CDKN2B-AS1: variants seen among roughly 807,000 people sequenced by gnomAD.
CDKN2B-AS1 encodes the protein CDKN2B and CDKN2A antisense cis and trans regulatory RNA 1, also known as CDKN2B antisense RNA 1 (non-protein coding).
rs114825561 is a variant in CDKN2B-AS1 at position 22,089,352 on chromosome 9, G to A, written n.438+32965G>A. On this transcript the variant is annotated intron_variant and non_coding_transcript_variant, in intron 4 of 4. Coordinates refer to ENST00000650946, the Ensembl canonical transcript of CDKN2B-AS1. The stretch of plus-strand genomic sequence containing the variant: ...ATTATTTACATAACAAATGTTAAAA[G>A]AATTAGAAAAATTTCATAGGTAAGA... Among the ~76,000 whole-genome samples the A allele has an allele frequency of 4.0e-3, 613 of 152,204 alleles. 6 individuals carry two copies. Among genetic ancestry groups the A allele is most frequent in the African/African-American group, 0.014 (576 of 41,542 alleles).
At chr9:22,086,976 G>A (rs1824886840) in intron 4 of CDKN2B-AS1, among the ~76,000 whole-genome samples, 1 of 152,182 alleles carries the variant, frequency 6.6e-6, no homozygotes, top group Admixed American at 6.5e-5. Flanking sequence ...CATGTGAATT[G>A]CCTACGCAGG....
At chr9:22,024,415 G>A (rs1822145323) in intron 1 of CDKN2B-AS1, among the ~76,000 whole-genome samples, 1 of 152,214 alleles carries the variant, frequency 6.6e-6, no homozygotes. Flanking sequence ...AGGCATTTTT[G>A]TGGGGAACAG....
In CDKN2B-AS1 at chr9:22,012,474, C is replaced by T. The variant is rs560168119; in HGVS notation, n.29+17313C>T. ...CGCTATGCTCTCCTGCACCCCTATG[C>T]TGTCAATTGCCGCAAGAAGAAGTGT... On this transcript the variant is annotated intron_variant and non_coding_transcript_variant, in intron 1 of 4. Coordinates refer to ENST00000650946, the Ensembl canonical transcript of CDKN2B-AS1. 1.6e-5 allele frequency: 11 copies of T among 693,204 alleles called. No homozygotes were observed. The East Asian group carries it at 3.2e-4, about 20-fold the overall frequency. The allele number at this position is 693,204 out of a possible 1,614,324, so 42.9% of individuals were successfully genotyped here. A position where few individuals can be genotyped will look rare whatever the true frequency, so the allele number is the denominator to read the frequency against.
intron 1 of CDKN2B-AS1, among the ~76,000 whole-genome samples, chr9:22,022,849 T>G (rs1295693172): frequency 6.6e-6 from 1 of 152,208 alleles, no homozygotes; most frequent in African/African-American, 2.4e-5. Flanking sequence ...AGCATTTGCT[T>G]GTCTGCAAAG....
intron 4 of CDKN2B-AS1, among the ~76,000 whole-genome samples, chr9:22,073,867 A>ATT (rs567089131): frequency 0.084 from 12,176 of 145,156 alleles, 1,431 homozygotes; most frequent in African/African-American, 0.26. Flanking sequence ...TACCTAGATA[A>ATT]TTTTTTTTTT....
intron 4 of CDKN2B-AS1, among the ~76,000 whole-genome samples, chr9:22,089,166 A>G (rs1824972733): frequency 1.3e-5 from 2 of 152,192 alleles, no homozygotes; most frequent in South Asian, 4.1e-4. Context: ...GATCACTTCA[A>G]TCTCTAATTT....
chr9:22,074,481 C>T (rs1190666192), intron 4 of CDKN2B-AS1, among the ~76,000 whole-genome samples: 2 of 152,124 alleles, frequency 1.3e-5, no homozygotes, highest in Admixed American at 6.6e-5. Context: ...TGGTCACTCT[C>T]GAATACATAA....
intron 4 of CDKN2B-AS1, among the ~76,000 whole-genome samples, chr9:22,105,025 TACTC>T (rs1825610453): frequency 1.3e-5 from 2 of 152,196 alleles, no homozygotes; most frequent in African/African-American, 4.8e-5. Context: ...AACAAAAAAA[TACTC>T]AGCCTTAGGT....
intron 4 of CDKN2B-AS1, among the ~76,000 whole-genome samples, chr9:22,121,473 G>C (rs559675276): frequency 6.6e-6 from 1 of 152,086 alleles, no homozygotes; most frequent in Non-Finnish European, 1.5e-5. Flanking sequence ...TCATCCTATA[G>C]TGGGTATAGA....
At position 21,999,886 on chromosome 9, in the gene CDKN2B-AS1, C is replaced by G. The variant is rs1172411361; in HGVS notation, n.29+4725C>G. On this transcript the variant is annotated intron_variant and non_coding_transcript_variant, in intron 1 of 4. Coordinates refer to ENST00000650946, the Ensembl canonical transcript of CDKN2B-AS1. The surrounding 1 kb of genome is among the most constrained non-coding windows in gnomAD (Gnocchi z 4.7). ...AGTGACAGAATAGTATGATCCCATT[C>G]ATGTTTTCCAAATATGCATGCTGGG... Among the ~76,000 whole-genome samples, 4 of 152,108 alleles carry G rather than the reference C, an allele frequency of 2.6e-5. No homozygotes were observed. Among genetic ancestry groups the G allele is most frequent in the Non-Finnish European group, 4.4e-5 (3 of 67,998 alleles).
At chr9:22,079,664 G>A (rs1209681842) in intron 4 of CDKN2B-AS1, among the ~76,000 whole-genome samples, 2 of 152,174 alleles carry the variant, frequency 1.3e-5, no homozygotes, top group Non-Finnish European at 2.9e-5. Context: ...CAGACCAAAA[G>A]TGAGGTAAAA....
intron 4 of CDKN2B-AS1, among the ~76,000 whole-genome samples, chr9:22,082,377 T>C (rs1824729262): frequency 6.6e-6 from 1 of 152,196 alleles, no homozygotes; most frequent in Admixed American, 6.5e-5. Flanking sequence ...TTCACATCAA[T>C]CTCATCAGAA....
At chr9:22,090,600 GTGTCTTTTGGCTGCATAAA>G (rs1232114643) in intron 4 of CDKN2B-AS1, among the ~76,000 whole-genome samples, 3 of 152,150 alleles carry the variant, frequency 2.0e-5, no homozygotes, top group Non-Finnish European at 2.9e-5. Flanking sequence ...AATTTTTCAT[GTGTCTTTTGGCTGCATAAA>G]TGTCTTCTTT....
At chr9:22,078,265 AT>A (rs1222929930) in intron 4 of CDKN2B-AS1, among the ~76,000 whole-genome samples, 7 of 147,232 alleles carry the variant, frequency 4.8e-5, no homozygotes, top group African/African-American at 7.5e-5. Flanking sequence ...CTTGCTTTCA[AT>A]TTTTTTTTTT....
chr9:22,015,008 A>G (rs919641011), intron 1 of CDKN2B-AS1, among the ~76,000 whole-genome samples: 1 of 151,964 alleles, frequency 6.6e-6, no homozygotes. Flanking sequence ...CCAGTCTATC[A>G]TTGTTGGACA....
chr9:22,123,528 T>C (rs182281221), intron 4 of CDKN2B-AS1, among the ~76,000 whole-genome samples: 1 of 151,688 alleles, frequency 6.6e-6, no homozygotes, highest in African/African-American at 2.4e-5. Flanking sequence ...CCAAAAGAGG[T>C]GAGGGATGGA....
chr9:22,026,050 A>G (rs1042954800), intron 1 of CDKN2B-AS1, among the ~76,000 whole-genome samples: 4 of 151,796 alleles, frequency 2.6e-5, no homozygotes, highest in Non-Finnish European at 5.9e-5. Context: ...CCCAGATGGG[A>G]GACTCTACCC....
chr9:22,040,935 A>T (rs975099114), intron 1 of CDKN2B-AS1, among the ~76,000 whole-genome samples: 1 of 152,018 alleles, frequency 6.6e-6, no homozygotes, highest in Admixed American at 6.6e-5. Flanking sequence ...GCCAGAATGT[A>T]TCTCTAGGCT....
chr9:22,075,424 T>G (rs1221827565), intron 4 of CDKN2B-AS1, among the ~76,000 whole-genome samples: 2 of 152,192 alleles, frequency 1.3e-5, no homozygotes, highest in Non-Finnish European at 2.9e-5. Context: ...ACTTTGAGAC[T>G]CAGCGATTGG....
Sources: gnomAD v4.1 joint callset for allele counts (sites outside exome capture counted in the v4.1 genomes callset) on GRCh38, gnomAD v4.1.1 for gene constraint, Gnocchi (gnomAD v3.1) non-coding constraint, MANE v1.5 for transcripts, NCBI Gene and HGNC (gene_info 2026-07-23, HGNC 2026-07-21) for gene names.